Variants in CSMD1 observed in about 807,000 individuals in gnomAD.
CSMD1 encodes the protein CUB and Sushi multiple domains 1.
CSMD1 carries 213 observed loss-of-function variants against 417.5 expected under a neutral mutation model. That is an observed-to-expected ratio of 0.51 (90% CI 0.46 to 0.57). The LOEUF is 0.57. Among genes scored for constraint, CSMD1 ranks in the 20% least tolerant of loss-of-function variants. The pLI, the probability that CSMD1 is intolerant of heterozygous loss-of-function variation, is 0.00. For synonymous variants in CSMD1, 2,862 were observed against 1,736.8 expected, an observed-to-expected ratio of 1.65 and a Z score of -16.11; for missense variants, 6,923 against 4,529.7, an observed-to-expected ratio of 1.53 and a Z score of -15.17.
intron 3 of CSMD1, among the ~76,000 whole-genome samples, chr8:4,293,104 GA>G (rs1369233845): frequency 6.6e-6 from 1 of 152,140 alleles, no homozygotes. Flanking sequence ...GAAACAGCAG[GA>G]GGGGGCTACC....
chr8:4,602,085 C>A (rs1800620438), intron 2 of CSMD1, among the ~76,000 whole-genome samples: 1 of 152,164 alleles, frequency 6.6e-6, no homozygotes, highest in Admixed American at 6.5e-5. Context: ...AGCAAAGTTA[C>A]CAATTGCCTT....
intron 2 of CSMD1, among the ~76,000 whole-genome samples, chr8:4,571,111 G>C (rs1337616075): frequency 6.6e-6 from 1 of 151,902 alleles, no homozygotes; most frequent in African/African-American, 2.4e-5. Context: ...ATTCACTGAG[G>C]TTTTGAAGGG....
At position 3,586,276 on chromosome 8, in the gene CSMD1, A is replaced by AC. The variant is rs1800596621; in HGVS notation, c.1098-17_1098-16insG. 5.4e-6 allele frequency: 8 copies of AC among 1,486,698 alleles called. No individual in the cohort carries two copies. The highest frequency in any genetic ancestry group is 2.3e-5 in the East Asian group (1 of 43,074). 92.1% of individuals were successfully genotyped at this position (1,486,698 alleles called of 1,614,324 possible). On this transcript the variant is annotated splice_polypyrimidine_tract_variant and intron_variant, in intron 8 of 69. Coordinates refer to ENST00000635120, the MANE Select transcript of CSMD1 (RefSeq NM_033225.6). ...TGCACCAACCCTAAGCCGTTAAAAAAGAAAAAAAAAAACCCAAATTATTTA... is the reference window on the plus strand; with the variant it reads ...TGCACCAACCCTAAGCCGTTAAAAAACGAAAAAAAAAAACCCAAATTATTTA...
chr8:4,462,940 G>A (rs1471663759), intron 2 of CSMD1, among the ~76,000 whole-genome samples: 2 of 151,950 alleles, frequency 1.3e-5, no homozygotes, highest in African/African-American at 4.8e-5. Flanking sequence ...AAAAGCACAA[G>A]AAAAGAATTA....
chr8:4,478,608 T>C (rs1800929425), intron 2 of CSMD1, among the ~76,000 whole-genome samples: 2 of 152,324 alleles, frequency 1.3e-5, no homozygotes, highest in Middle Eastern at 3.4e-3. Flanking sequence ...AAAGTATTAT[T>C]GGCAGGGCGT....
intron 10 of CSMD1, among the ~76,000 whole-genome samples, chr8:3,520,034 A>ATG (rs1797440516): frequency 1.4e-5 from 2 of 147,334 alleles, no homozygotes; most frequent in South Asian, 2.2e-4. Flanking sequence ...ATATATATAT[A>ATG]TATATACACG....
At chr8:4,966,847 G>A (rs1020459720) in intron 1 of CSMD1, among the ~76,000 whole-genome samples, 2 of 152,162 alleles carry the variant, frequency 1.3e-5, no homozygotes, top group African/African-American at 4.8e-5. Flanking sequence ...AATTACTGAA[G>A]TTAATTATGT....
chr8:3,940,272 T>C (rs372811428), intron 5 of CSMD1, among the ~76,000 whole-genome samples: 2 of 152,126 alleles, frequency 1.3e-5, no homozygotes, highest in Non-Finnish European at 2.9e-5. Flanking sequence ...GAAATATCTA[T>C]TAATGATAGA....
intron 3 of CSMD1, among the ~76,000 whole-genome samples, chr8:4,070,254 T>G (rs914466348): frequency 6.6e-6 from 1 of 152,214 alleles, no homozygotes; most frequent in African/African-American, 2.4e-5. Flanking sequence ...ATTACAAACA[T>G]GCAATTCAAA....
At chr8:4,315,399 A>G (rs540816396) in intron 3 of CSMD1, among the ~76,000 whole-genome samples, 39 of 152,312 alleles carry the variant, frequency 2.6e-4, no homozygotes, top group African/African-American at 7.5e-4. Context: ...GTCCCCAAGC[A>G]AGGGATGAGT....
At chr8:3,822,813 C>A (rs1432800115) in intron 5 of CSMD1, among the ~76,000 whole-genome samples, 1 of 151,792 alleles carries the variant, frequency 6.6e-6, no homozygotes, top group Non-Finnish European at 1.5e-5. Context: ...GAACTTTGGG[C>A]TTATTTTTTT....
At chr8:3,294,621 T>G (rs2406457) in intron 25 of CSMD1, among the ~76,000 whole-genome samples, 102,689 of 152,012 alleles carry the variant, frequency 0.68, 34,710 homozygotes, top group South Asian at 0.72. Flanking sequence ...CTCTGAGTCA[T>G]GCACGGGATA....
At chr8:4,485,153 T>G (rs540816809) in intron 2 of CSMD1, among the ~76,000 whole-genome samples, 50 of 152,252 alleles carry the variant, frequency 3.3e-4, no homozygotes, top group Non-Finnish European at 6.2e-4. Context: ...TGTATGCATT[T>G]CCTTAGATGT....
chr8:4,163,160 A>C (rs1035473632), intron 3 of CSMD1, among the ~76,000 whole-genome samples: 3 of 152,166 alleles, frequency 2.0e-5, no homozygotes, highest in African/African-American at 7.2e-5. Flanking sequence ...TTGCTTCCAG[A>C]TTTTGGCAAC....
intron 1 of CSMD1, among the ~76,000 whole-genome samples, chr8:4,893,110 T>C (rs1390411145): frequency 1.3e-5 from 2 of 152,154 alleles, no homozygotes; most frequent in African/African-American, 2.4e-5. Flanking sequence ...TCTCTCTTTC[T>C]AGTTTTTGTC....
At chr8:4,366,692 TTTTC>T (rs960631045) in intron 3 of CSMD1, among the ~76,000 whole-genome samples, 8 of 151,936 alleles carry the variant, frequency 5.3e-5, no homozygotes, top group African/African-American at 1.9e-4. Context: ...GATGAGCGTT[TTTTC>T]TTTTTCTTTT....
chr8:3,094,002 C>T (rs1815127739), intron 47 of CSMD1, among the ~76,000 whole-genome samples: 1 of 151,958 alleles, frequency 6.6e-6, no homozygotes. Flanking sequence ...GATAAAATGC[C>T]ACTGGTAAAT....
At chr8:4,767,990 T>C (rs1812582713) in intron 1 of CSMD1, among the ~76,000 whole-genome samples, 1 of 151,510 alleles carries the variant, frequency 6.6e-6, no homozygotes, top group African/African-American at 2.4e-5. Context: ...GTGTGGAGCA[T>C]GGTGGGCATT....
chr8:3,484,761 T>C (rs1455678048), intron 11 of CSMD1, among the ~76,000 whole-genome samples: 2 of 152,000 alleles, frequency 1.3e-5, no homozygotes, highest in African/African-American at 2.4e-5. Context: ...GCTTAGAAAA[T>C]GGGAAAAAGA....
Sources: gnomAD v4.1 joint callset for allele counts (sites outside exome capture counted in the v4.1 genomes callset) on GRCh38, gnomAD v4.1.1 for gene constraint, MANE v1.5 for transcripts, NCBI Gene and HGNC (gene_info 2026-07-23, HGNC 2026-07-21) for gene names.